Variants in PDZRN4 observed in about 807,000 individuals in gnomAD.
PDZRN4 encodes PDZ domain-containing RING finger protein 4.
Under a neutral mutation model 99.0 loss-of-function variants are expected in PDZRN4, and 70 were observed. The ratio of observed to expected loss-of-function variants is 0.71; its 90% CI spans 0.58 to 0.86. The LOEUF is 0.86. Ranked by LOEUF, PDZRN4 falls within the 40% of genes least tolerant of loss-of-function variation. The pLI is 0.00. For missense variants in PDZRN4, 1,474 were observed against 1,331.2 expected (o/e 1.11, Z -1.67); for synonymous variants, 551 against 501.6 (o/e 1.10, Z -1.32).
At chr12:41,546,975 A>G (rs1052569228) in intron 5 of PDZRN4, among the ~76,000 whole-genome samples, 2 of 152,230 alleles carry the variant, frequency 1.3e-5, no homozygotes, top group Non-Finnish European at 2.9e-5. Context: ...TCAAATCACA[A>G]ATGGCCGTGG....
At chr12:41,346,191 G>A (rs944113131) in intron 3 of PDZRN4, among the ~76,000 whole-genome samples, 1 of 152,148 alleles carries the variant, frequency 6.6e-6, no homozygotes, top group African/African-American at 2.4e-5. Flanking sequence ...GGCCGGGCAC[G>A]GTGGCTCACG....
intron 3 of PDZRN4, among the ~76,000 whole-genome samples, chr12:41,488,958 G>A (rs1937829029): frequency 6.6e-6 from 1 of 152,084 alleles, no homozygotes; most frequent in Non-Finnish European, 1.5e-5. Context: ...TCACCCTCCG[G>A]GGCAAGTTTT....
At chr12:41,244,597 G>A (rs1383101606) in intron 3 of PDZRN4, among the ~76,000 whole-genome samples, 1 of 151,220 alleles carries the variant, frequency 6.6e-6, no homozygotes, top group Non-Finnish European at 1.5e-5. Flanking sequence ...AGGTCCAGCA[G>A]ACTCCCGCCT....
At chr12:41,372,086 G>T (rs180738321) in intron 3 of PDZRN4, among the ~76,000 whole-genome samples, 3 of 151,958 alleles carry the variant, frequency 2.0e-5, no homozygotes, top group East Asian at 3.9e-4. Context: ...AAAAAATTTT[G>T]CATAATTTTT....
chr12:41,299,035 G>T (rs983150388), intron 3 of PDZRN4, among the ~76,000 whole-genome samples: 3 of 151,922 alleles, frequency 2.0e-5, no homozygotes, highest in Non-Finnish European at 4.4e-5. Context: ...TCCACAGAGT[G>T]CTGTCTCAGA....
intron 3 of PDZRN4, among the ~76,000 whole-genome samples, chr12:41,260,349 G>A (rs73120950): frequency 0.039 from 5,864 of 152,102 alleles, 391 homozygotes; most frequent in African/African-American, 0.13. Context: ...TAAACAAAGG[G>A]TATGAGAAGT....
chr12:41,262,965 A>ATG (rs1951251666), intron 3 of PDZRN4, among the ~76,000 whole-genome samples: 1 of 149,624 alleles, frequency 6.7e-6, no homozygotes, highest in African/African-American at 2.5e-5. Context: ...ATATATGTAT[A>ATG]TATATATAAA....
intron 3 of PDZRN4, among the ~76,000 whole-genome samples, chr12:41,359,217 T>C (rs933957524): frequency 1.3e-5 from 2 of 151,954 alleles, no homozygotes; most frequent in Non-Finnish European, 2.9e-5. Context: ...GCTGATTAAT[T>C]GTATTATGGT....
intron 3 of PDZRN4, among the ~76,000 whole-genome samples, chr12:41,482,038 C>T (rs1457321789): frequency 6.6e-6 from 1 of 152,086 alleles, no homozygotes; most frequent in Non-Finnish European, 1.5e-5. Flanking sequence ...TAGAGGACTT[C>T]AAATTCATTT....
rs1234247004 is a variant in PDZRN4, at chr12:41,572,537, A to T, written c.1758A>T (p.Arg586Ser). The change falls in exon 10 of 10, where the codon AGA becomes AGT. Residue 586 changes from arginine (R) to serine (S), a missense_variant. Arg to Ser is a moderately radical substitution (Grantham distance 110, BLOSUM62 -1). Transcript: ENST00000402685. ...DPNSTSLKSK[R>S]DLGQSQDTLG... is the part of the protein sequence containing the mutation. ...ATAGCACATCTTTGAAGAGCAAGAG[A>T]GACCTGGGGCAGAGCCAAGACACTC... The T allele has an allele frequency of 2.5e-6, 4 of 1,614,136 alleles. No individual in the cohort carries two copies. In the Admixed American group the frequency reaches 6.7e-5, roughly 27 times the overall value.
intron 3 of PDZRN4, among the ~76,000 whole-genome samples, chr12:41,272,491 A>G (rs1332818703): frequency 1.3e-5 from 2 of 152,100 alleles, no homozygotes; most frequent in Non-Finnish European, 2.9e-5. Flanking sequence ...TTAAATGAGT[A>G]TTAAATCTTT....
intron 3 of PDZRN4, among the ~76,000 whole-genome samples, chr12:41,506,071 A>G (rs913803543): frequency 2.6e-5 from 4 of 152,176 alleles, no homozygotes; most frequent in Admixed American, 6.5e-5. Flanking sequence ...GACCTTGATT[A>G]AATATTGAAA....
chr12:41,552,625 T>A (rs1939077286), intron 5 of PDZRN4, 31 bp from the exon 6 acceptor site: 1 of 1,538,426 alleles, frequency 6.5e-7, no homozygotes, highest in Non-Finnish European at 9.0e-7. Flanking sequence ...CTCTCTGACA[T>A]AAATGTCATC....
intron 3 of PDZRN4, among the ~76,000 whole-genome samples, chr12:41,386,577 C>T (rs1432793204): frequency 2.6e-5 from 4 of 152,084 alleles, no homozygotes; most frequent in African/African-American, 9.7e-5. Context: ...CAATGCTATA[C>T]CTATTAAACT....
intron 3 of PDZRN4, among the ~76,000 whole-genome samples, chr12:41,421,194 C>T (rs1379571929): frequency 6.6e-6 from 1 of 151,992 alleles, no homozygotes; most frequent in Non-Finnish European, 1.5e-5. Context: ...TGTTATTAGA[C>T]TACTATTTGT....
intron 3 of PDZRN4, among the ~76,000 whole-genome samples, chr12:41,298,898 C>A (rs1951513165): frequency 6.6e-6 from 1 of 152,100 alleles, no homozygotes; most frequent in Non-Finnish European, 1.5e-5. Context: ...TAGTGGTGAT[C>A]AGTTCTCTAA....
intron 3 of PDZRN4, among the ~76,000 whole-genome samples, chr12:41,230,566 A>C (rs200437894): frequency 1.3e-5 from 2 of 152,116 alleles, no homozygotes; most frequent in Non-Finnish European, 2.9e-5. Context: ...ATTACTGATA[A>C]GTTATACATG....
intron 3 of PDZRN4, among the ~76,000 whole-genome samples, chr12:41,288,380 C>T (rs925200458): frequency 2.0e-5 from 3 of 152,196 alleles, no homozygotes; most frequent in Non-Finnish European, 1.5e-5. Flanking sequence ...CTCCGATTCT[C>T]CTGGGTAATG....
chr12:41,531,580 A>G (rs1409225307), intron 5 of PDZRN4, among the ~76,000 whole-genome samples: 1 of 152,150 alleles, frequency 6.6e-6, no homozygotes, highest in Non-Finnish European at 1.5e-5. Flanking sequence ...ACATTTGGGC[A>G]GGAAAAGAAA....
Sources: allele counts gnomAD v4.1 joint callset (sites outside exome capture counted in the v4.1 genomes callset), GRCh38; gene constraint gnomAD v4.1.1; transcripts MANE v1.5; gene names NCBI Gene and HGNC (gene_info 2026-07-23, HGNC 2026-07-21).